Variants in LPAR1 observed in about 807,000 individuals in gnomAD.
The protein encoded by LPAR1 is lysophosphatidic acid receptor 1, also known as LPA receptor 1.
Under a neutral mutation model 23.8 loss-of-function variants are expected in LPAR1, and 5 were observed. The ratio of observed to expected loss-of-function variants is 0.21; its 90% confidence interval spans 0.11 to 0.44. LPAR1 has a LOEUF of 0.44. Ranked by LOEUF, LPAR1 falls within the 20% of genes least tolerant of loss-of-function variation. The pLI is 0.99. For missense variants in LPAR1, 311 were observed against 482.8 expected (o/e 0.64, Z 3.33); for synonymous variants, 160 against 164.7 (o/e 0.97, Z 0.22).
At chr9:111,013,512 G>A (rs1233966834) in intron 2 of LPAR1, among the ~76,000 whole-genome samples, 1 of 152,122 alleles carries the variant, frequency 6.6e-6, no homozygotes, top group African/African-American at 2.4e-5. Flanking sequence ...ACCATGTTCT[G>A]ACCAAAGTAC....
intron 2 of LPAR1, among the ~76,000 whole-genome samples, chr9:110,975,309 T>C (rs10759478): frequency 0.8 from 121,382 of 151,762 alleles, 49,080 homozygotes; most frequent in Middle Eastern, 0.87. Flanking sequence ...TATGACGTTA[T>C]TACTAACAAC....
chr9:110,951,690 A>C (rs761780794), intron 4 of LPAR1, among the ~76,000 whole-genome samples: 1 of 152,186 alleles, frequency 6.6e-6, no homozygotes, highest in Non-Finnish European at 1.5e-5. Flanking sequence ...TTAGTACAAT[A>C]GCTTTGAAAA....
At chr9:110,932,984 A>C (rs1160037022) in intron 5 of LPAR1, among the ~76,000 whole-genome samples, 1 of 152,218 alleles carries the variant, frequency 6.6e-6, no homozygotes, top group African/African-American at 2.4e-5. Flanking sequence ...AGACATTGAC[A>C]AAGTGGCCTG....
At chr9:110,942,902 A>G (rs2095207472) in intron 4 of LPAR1, among the ~76,000 whole-genome samples, 1 of 152,028 alleles carries the variant, frequency 6.6e-6, no homozygotes. Flanking sequence ...TACAAGTAAA[A>G]TATACTTAGA....
At chr9:111,020,985 C>T (rs926747516) in intron 2 of LPAR1, among the ~76,000 whole-genome samples, 6 of 152,116 alleles carry the variant, frequency 3.9e-5, no homozygotes, top group Admixed American at 1.3e-4. Flanking sequence ...TTTCTTCCCT[C>T]GATTTCTAAA....
chr9:110,998,742 G>C (rs2097070442), intron 2 of LPAR1, among the ~76,000 whole-genome samples: 1 of 152,186 alleles, frequency 6.6e-6, no homozygotes, highest in African/African-American at 2.4e-5. Flanking sequence ...AAAGTCAATA[G>C]CAAGTTCTTC....
chr9:110,959,943 A>T (rs866713369), intron 4 of LPAR1, among the ~76,000 whole-genome samples: 4 of 151,810 alleles, frequency 2.6e-5, no homozygotes, highest in Non-Finnish European at 5.9e-5. Flanking sequence ...ACATAGGATT[A>T]AAAAAAATTG....
At chr9:110,897,610 T>C (rs943862887) in intron 5 of LPAR1, among the ~76,000 whole-genome samples, 1 of 152,242 alleles carries the variant, frequency 6.6e-6, no homozygotes, top group Non-Finnish European at 1.5e-5. Flanking sequence ...GAACAGCATT[T>C]GGCTTCCTCT....
chr9:110,999,026 A>G lies in LPAR1; in HGVS notation c.-181-25468T>C, dbSNP rs187665179. ...TGTATCAATCCTCTTAGGAAACATT[A>G]AAGTTTAAAATCTTCGTGATCAGTC... On this transcript the variant is annotated intron_variant, in intron 2 of 5. Transcript: ENST00000683809. Among the ~76,000 whole-genome samples the G allele has an allele frequency of 4.0e-4, 61 of 152,292 alleles. 1 individual carries two copies. Among genetic ancestry groups the G allele is most frequent in the Non-Finnish European group, 6.0e-4 (41 of 68,016 alleles).
chr9:110,946,448 A>G (rs1169190590), intron 4 of LPAR1, among the ~76,000 whole-genome samples: 2 of 152,214 alleles, frequency 1.3e-5, no homozygotes, highest in African/African-American at 4.8e-5. Context: ...GTTTAGAGAA[A>G]AAAAATAACA....
At chr9:111,018,637 T>C (rs948907797) in intron 2 of LPAR1, among the ~76,000 whole-genome samples, 4 of 152,190 alleles carry the variant, frequency 2.6e-5, no homozygotes, top group Non-Finnish European at 4.4e-5. Flanking sequence ...GTGGGGAGTA[T>C]GGGTACTTTT....
intron 4 of LPAR1, among the ~76,000 whole-genome samples, chr9:110,957,821 T>C (rs2095815622): frequency 1.3e-5 from 2 of 152,172 alleles, no homozygotes; most frequent in Non-Finnish European, 2.9e-5. Context: ...GACATGATCT[T>C]ATATCTAGAA....
rs533100905 is a variant in LPAR1, at chr9:110,976,233, C to G, written c.-181-2675G>C. Among the ~76,000 whole-genome samples the G allele has an allele frequency of 8.6e-5, 13 of 150,652 alleles. No homozygotes were observed. In the East Asian group the frequency reaches 2.0e-3, roughly 23 times the overall value. ...CCTGGCTGGGTGTGGTGGTTCACGT[C>G]TGTAATCCTAGCATTTTGAGACGCC... is the stretch of plus-strand genomic sequence containing the variant. On this transcript the variant is annotated intron_variant, in intron 2 of 5. Coordinates refer to ENST00000683809, the MANE Select transcript of LPAR1 (RefSeq NM_001351411.2).
At chr9:110,901,960 G>A (rs1015071630) in intron 5 of LPAR1, among the ~76,000 whole-genome samples, 1 of 152,124 alleles carries the variant, frequency 6.6e-6, no homozygotes, top group Non-Finnish European at 1.5e-5. Context: ...AGATGGTACA[G>A]ATACTTTTTC....
At chr9:110,983,662 T>C (rs1239549904) in intron 2 of LPAR1, among the ~76,000 whole-genome samples, 3 of 152,044 alleles carry the variant, frequency 2.0e-5, no homozygotes, top group African/African-American at 4.8e-5. Context: ...TATTTTACCA[T>C]AATTTAAAAA....
At chr9:110,928,816 CA>C (rs2094212935) in intron 5 of LPAR1, among the ~76,000 whole-genome samples, 1 of 152,214 alleles carries the variant, frequency 6.6e-6, no homozygotes, top group African/African-American at 2.4e-5. Context: ...CTGGCTACAG[CA>C]AAACCTTCTG....
chr9:110,935,429 C>G (rs2094636963), intron 5 of LPAR1, among the ~76,000 whole-genome samples: 1 of 150,496 alleles, frequency 6.6e-6, no homozygotes, highest in Non-Finnish European at 1.5e-5. Flanking sequence ...AAAAAAAAAG[C>G]CAATTATACA....
At chr9:110,960,357 G>A (rs992391349) in intron 4 of LPAR1, among the ~76,000 whole-genome samples, 3 of 152,078 alleles carry the variant, frequency 2.0e-5, no homozygotes, top group African/African-American at 7.2e-5. Context: ...ACCTGCAGAA[G>A]CCTACTATAT....
At chr9:110,976,357 T>C (rs2096554484) in intron 2 of LPAR1, among the ~76,000 whole-genome samples, 3 of 150,014 alleles carry the variant, frequency 2.0e-5, no homozygotes, top group Admixed American at 2.0e-4. Context: ...AAAAAAAAAT[T>C]TAGCCAGGCG....
Sources: allele counts gnomAD v4.1 joint callset (sites outside exome capture counted in the v4.1 genomes callset), GRCh38; gene constraint gnomAD v4.1.1; transcripts MANE v1.5; gene names NCBI Gene and HGNC (gene_info 2026-07-23, HGNC 2026-07-21).